RSU1: variants seen among roughly 807,000 people sequenced by gnomAD.
RSU1 encodes rsu-1.
Under a neutral mutation model 31.1 loss-of-function variants are expected in RSU1, and 26 were observed. That is an observed-to-expected ratio of 0.84 (90% CI 0.61 to 1.16). RSU1 has a LOEUF of 1.16. RSU1 is among the 50% of genes most tolerant of loss of function. RSU1 has a pLI of 0.00. For synonymous variants in RSU1, 164 were observed against 136.3 expected (o/e 1.20, Z -1.41); for missense variants, 320 against 339.1 (o/e 0.94, Z 0.44).
intron 7 of RSU1, among the ~76,000 whole-genome samples, chr10:16,705,306 C>G (rs780766202): frequency 1.3e-5 from 2 of 152,120 alleles, no homozygotes; most frequent in East Asian, 3.9e-4. Context: ...TCCACGGATG[C>G]TCAAGTCTCT....
chr10:16,618,918 A>G (rs989352375), intron 8 of RSU1, among the ~76,000 whole-genome samples: 1 of 152,162 alleles, frequency 6.6e-6, no homozygotes, highest in Admixed American at 6.6e-5. Flanking sequence ...AGGTGTGGCA[A>G]ATCACCATGG....
At chr10:16,708,372 G>C (rs1446392814) in intron 7 of RSU1, among the ~76,000 whole-genome samples, 2 of 152,100 alleles carry the variant, frequency 1.3e-5, no homozygotes, top group Non-Finnish European at 2.9e-5. Flanking sequence ...TTGTCTTCCT[G>C]GTGAGTAGGC....
intron 7 of RSU1, chr10:16,723,021 CATATAT>C (rs926814091): frequency 2.0e-5 from 3 of 150,334 alleles, no homozygotes; most frequent in Non-Finnish European, 4.4e-5. Flanking sequence ...AACATACACA[CATATAT>C]GTATATGTAT....
At chr10:16,756,439 C>A (rs1308988830) in intron 4 of RSU1, among the ~76,000 whole-genome samples, 4 of 152,190 alleles carry the variant, frequency 2.6e-5, no homozygotes, top group African/African-American at 9.7e-5. Context: ...ACCTCTGCCA[C>A]CCCTGAGACC....
At chr10:16,755,024 C>G in intron 4 of RSU1, 35 bp from the exon 5 acceptor site, 1 of 1,327,814 alleles carries the variant, frequency 7.5e-7, no homozygotes, top group Non-Finnish European at 1.1e-6. Context: ...TGTCATGACA[C>G]CAAAGACACA....
At chr10:16,658,160 C>T (rs1255749802) in intron 8 of RSU1, among the ~76,000 whole-genome samples, 1 of 152,144 alleles carries the variant, frequency 6.6e-6, no homozygotes, top group Non-Finnish European at 1.5e-5. Context: ...CCAATCACTA[C>T]ATATTTTGTG....
chr10:16,670,603 G>A (rs1835087788), intron 8 of RSU1, among the ~76,000 whole-genome samples: 1 of 152,104 alleles, frequency 6.6e-6, no homozygotes, highest in Non-Finnish European at 1.5e-5. Flanking sequence ...TGAATTCCAA[G>A]CCCATAAGAC....
chr10:16,811,195 G>A (rs1348595699), intron 2 of RSU1, among the ~76,000 whole-genome samples: 1 of 152,068 alleles, frequency 6.6e-6, no homozygotes. Context: ...TAGCCTAAGA[G>A]CAAAAGCCTG....
At chr10:16,707,468 A>G (rs1435391928) in intron 7 of RSU1, among the ~76,000 whole-genome samples, 2 of 151,606 alleles carry the variant, frequency 1.3e-5, no homozygotes, top group East Asian at 1.9e-4. Flanking sequence ...CACTTTCTTG[A>G]TGATTACTGA....
At chr10:16,731,477 C>A (rs1457970366) in intron 7 of RSU1, among the ~76,000 whole-genome samples, 1 of 151,830 alleles carries the variant, frequency 6.6e-6, no homozygotes, top group East Asian at 1.9e-4. Flanking sequence ...TTATACTAAC[C>A]TTTTCTGAGT....
At chr10:16,630,066 T>A (rs979256223) in intron 8 of RSU1, among the ~76,000 whole-genome samples, 3 of 152,246 alleles carry the variant, frequency 2.0e-5, no homozygotes, top group South Asian at 2.1e-4. Context: ...TTAAAGTTTT[T>A]AAATTTTTTT....
chr10:16,757,703 C>T (rs1341247406), intron 4 of RSU1, among the ~76,000 whole-genome samples: 1 of 152,190 alleles, frequency 6.6e-6, no homozygotes, highest in Non-Finnish European at 1.5e-5. Context: ...TGTCTGGAAA[C>T]ACCCCATACC....
intron 2 of RSU1, among the ~76,000 whole-genome samples, chr10:16,803,201 G>A (rs1304218271): frequency 1.3e-5 from 2 of 151,864 alleles, no homozygotes; most frequent in East Asian, 3.9e-4. Context: ...AATATACAAA[G>A]GCAATTGCTT....
At chr10:16,759,524 A>G (rs543809462) in intron 4 of RSU1, among the ~76,000 whole-genome samples, 14 of 152,302 alleles carry the variant, frequency 9.2e-5, no homozygotes, top group Non-Finnish European at 1.6e-4. Flanking sequence ...ATATAAATAA[A>G]TAATCCAAAT....
chr10:16,805,631 A>C (rs372402921), intron 2 of RSU1, among the ~76,000 whole-genome samples: 2 of 145,960 alleles, frequency 1.4e-5, no homozygotes, highest in Non-Finnish European at 1.5e-5. Flanking sequence ...AGCGGAGATC[A>C]CGCCACTGCA....
intron 7 of RSU1, among the ~76,000 whole-genome samples, chr10:16,714,662 G>A (rs936891851): frequency 2.0e-5 from 3 of 152,124 alleles, no homozygotes; most frequent in African/African-American, 7.2e-5. Context: ...GTCATTCCAT[G>A]TGACCTATGC....
chr10:16,688,793 G>C (rs895184302), intron 8 of RSU1, among the ~76,000 whole-genome samples: 3 of 151,266 alleles, frequency 2.0e-5, no homozygotes, highest in African/African-American at 7.4e-5. Context: ...TTGAGGCCAG[G>C]GGTTTGAGAG....
chr10:16,671,380 G>A (rs1835102175), intron 8 of RSU1, among the ~76,000 whole-genome samples: 1 of 152,158 alleles, frequency 6.6e-6, no homozygotes, highest in East Asian at 1.9e-4. Flanking sequence ...TAAGATGTTT[G>A]AGGCTTTGTT....
At chr10:16,724,142 C>T (rs1017156163) in intron 7 of RSU1, among the ~76,000 whole-genome samples, 15 of 152,092 alleles carry the variant, frequency 9.9e-5, no homozygotes, top group African/African-American at 3.1e-4. Flanking sequence ...GGGGCTTCAC[C>T]ATGTTGGCCA....
Sources: gnomAD v4.1 joint callset for allele counts (sites outside exome capture counted in the v4.1 genomes callset) on GRCh38, gnomAD v4.1.1 for gene constraint, MANE v1.5 for transcripts, NCBI Gene and HGNC (gene_info 2026-07-23, HGNC 2026-07-21) for gene names.